RNF220: variants seen among roughly 807,000 people sequenced by gnomAD.
RNF220 encodes E3 ubiquitin-protein ligase RNF220.
RNF220 carries 7 observed loss-of-function variants against 67.1 expected under a neutral mutation model. The ratio of observed to expected loss-of-function variants is 0.10; its 90% CI spans 0.06 to 0.20. The LOEUF (loss-of-function observed/expected upper bound fraction) is 0.20, where lower values mean the gene tolerates loss of function less well. RNF220 is among the 10% of genes least tolerant of loss of function. The probability of loss-of-function intolerance (pLI) is 1.00; values close to 1 mark genes in which losing one functional copy is unlikely to be tolerated. For synonymous variants in RNF220, 270 were observed against 283.2 expected, an observed-to-expected ratio of 0.95 and a Z score of 0.47; for missense variants, 565 against 740.3, an observed-to-expected ratio of 0.76 and a Z score of 2.75.
chr1:44,517,139 C>T (rs1572742118), intron 2 of RNF220, among the ~76,000 whole-genome samples: 1 of 152,316 alleles, frequency 6.6e-6, no homozygotes, highest in East Asian at 1.9e-4. Flanking sequence ...CAGCATCTGT[C>T]CTCTGTCACT....
Position 44,650,213 on chromosome 1 carries a change from A to G in RNF220, c.1629+256A>G. 1.8e-6 allele frequency: 1 copy of G among 570,038 alleles called. No homozygotes were observed. Among genetic ancestry groups the G allele is most frequent in the Non-Finnish European group, 3.1e-6 (1 of 319,374 alleles). The allele number at this position is 570,038 out of a possible 1,614,324, so 35.3% of individuals were successfully genotyped here. Reference sequence around the variant, plus strand: ...TCCCCGCCCCGGTCCCCGAAGGCCCACTGCATCACACAGACTGGTGAGGCC... The same window carrying G: ...TCCCCGCCCCGGTCCCCGAAGGCCCGCTGCATCACACAGACTGGTGAGGCC... On this transcript the variant is annotated intron_variant, in intron 14 of 14. Transcript: ENST00000361799. The surrounding 1 kb of genome is among the most constrained non-coding windows in gnomAD (Gnocchi z 4.3).
intron 2 of RNF220, among the ~76,000 whole-genome samples, chr1:44,453,819 G>A (rs1413190414): frequency 6.6e-6 from 1 of 151,998 alleles, no homozygotes; most frequent in African/African-American, 2.4e-5. Context: ...TTTGGTCTTA[G>A]GACCCATTTG....
chr1:44,493,265 C>A lies in RNF220; in HGVS notation c.625+80543C>A, dbSNP rs1157729655. Among the ~76,000 whole-genome samples, 3 of 152,318 alleles carry A rather than the reference C, an allele frequency of 2.0e-5. No individual in the cohort carries two copies. In the South Asian group the frequency reaches 6.2e-4, roughly 32 times the overall value. On this transcript the variant is annotated intron_variant, in intron 2 of 14. Transcript: ENST00000361799. ...GAGCAGTGGCTTACGCCTGTAATCC[C>A]AGCACTTTGGGAGGCCGAGGCGGGT...
chr1:44,543,460 G>A (rs965658716), intron 2 of RNF220, among the ~76,000 whole-genome samples: 2 of 152,078 alleles, frequency 1.3e-5, no homozygotes, highest in African/African-American at 2.4e-5. Context: ...GCTTACCGAC[G>A]GGAGGTTAAC....
In RNF220 at chr1:44,540,986, G is replaced by A. The variant is rs553910115; in HGVS notation, c.626-73179G>A. On this transcript the variant is annotated intron_variant, in intron 2 of 14. Transcript: ENST00000361799. ...GACAGTAATTAACATTTGTTACGGT[G>A]TTTGCAATCTGCCAGGCATTATTCT... 4.6e-5 allele frequency among the ~76,000 whole-genome samples: 7 copies of A among 152,210 alleles called. No homozygotes were observed. In the East Asian group the frequency reaches 1.3e-3, roughly 29 times the overall value.
intron 2 of RNF220, among the ~76,000 whole-genome samples, chr1:44,494,359 AAG>A (rs1657138158): frequency 6.6e-6 from 1 of 152,212 alleles, no homozygotes; most frequent in African/African-American, 2.4e-5. Flanking sequence ...AAGCGAGAAA[AAG>A]AAATTAATTC....
At chr1:44,468,873 C>T (rs1349033692) in intron 2 of RNF220, among the ~76,000 whole-genome samples, 1 of 151,884 alleles carries the variant, frequency 6.6e-6, no homozygotes, top group African/African-American at 2.4e-5. Context: ...GCCAAGATCA[C>T]ACCACTGCAC....
At chr1:44,531,993 C>T (rs1288891841) in intron 2 of RNF220, among the ~76,000 whole-genome samples, 1 of 152,144 alleles carries the variant, frequency 6.6e-6, no homozygotes, top group African/African-American at 2.4e-5. Flanking sequence ...TTCTAAGGTG[C>T]TGAGTCTCAC....
chr1:44,607,472 C>G (rs1184315339), intron 2 of RNF220, among the ~76,000 whole-genome samples: 1 of 146,696 alleles, frequency 6.8e-6, no homozygotes, highest in Non-Finnish European at 1.5e-5. Context: ...TGTATACCTT[C>G]AAATGTGCTG....
intron 2 of RNF220, among the ~76,000 whole-genome samples, chr1:44,556,059 G>T (rs1270004845): frequency 1.3e-5 from 2 of 150,240 alleles, no homozygotes; most frequent in Non-Finnish European, 2.9e-5. Flanking sequence ...GTTTGAGATG[G>T]AGTCTCTCTG....
At chr1:44,539,597 A>G (rs1229913644) in intron 2 of RNF220, among the ~76,000 whole-genome samples, 1 of 152,216 alleles carries the variant, frequency 6.6e-6, no homozygotes, top group African/African-American at 2.4e-5. Flanking sequence ...ACAGGAGCCA[A>G]CAGGAACTAG....
At chr1:44,607,316 A>T (rs1667334309) in intron 2 of RNF220, among the ~76,000 whole-genome samples, 1 of 151,876 alleles carries the variant, frequency 6.6e-6, no homozygotes, top group Admixed American at 6.6e-5. Context: ...TTGTATGTTT[A>T]AAAAAAATAA....
chr1:44,545,757 ATTT>A (rs11372709), intron 2 of RNF220, among the ~76,000 whole-genome samples: 3 of 140,706 alleles, frequency 2.1e-5, no homozygotes, highest in African/African-American at 2.7e-5. Flanking sequence ...CAGAAACCCA[ATTT>A]TTTTTTTTTT....
chr1:44,443,968 G>A (rs1651821987), intron 2 of RNF220, among the ~76,000 whole-genome samples: 1 of 152,216 alleles, frequency 6.6e-6, no homozygotes, highest in Admixed American at 6.5e-5. Flanking sequence ...GCGCATGCCT[G>A]TAATCCCAGC....
intron 2 of RNF220, among the ~76,000 whole-genome samples, chr1:44,484,865 C>T (rs189623532): frequency 3.3e-5 from 5 of 152,272 alleles, no homozygotes; most frequent in South Asian, 2.1e-4. Flanking sequence ...CTCTGACAGC[C>T]GGGCACGGTG....
Position 44,624,967 on chromosome 1 carries a change from T to C in RNF220, c.805-1330T>C, listed in dbSNP as rs1643895832. 6.6e-6 allele frequency among the ~76,000 whole-genome samples: 1 copy of C among 152,174 alleles called. No homozygotes were observed. The highest frequency in any genetic ancestry group is 2.4e-5 in the African/African-American group (1 of 41,448). On this transcript the variant is annotated intron_variant, in intron 4 of 14. Transcript: ENST00000361799. This position sits in a 1 kb window ranked among gnomAD's most constrained non-coding sequence, Gnocchi z 4.2. The stretch of plus-strand genomic sequence containing the variant: ...TTAAAAAGCACCAGTGACCTTTTTT[T>C]ATTCCGCTTGCCCCAGGTGTAATGC...
chr1:44,544,265 T>TC (rs764110393), intron 2 of RNF220, among the ~76,000 whole-genome samples: 3 of 152,208 alleles, frequency 2.0e-5, no homozygotes, highest in African/African-American at 7.2e-5. Flanking sequence ...AGGACTGCTC[T>TC]CCATCCCTGT....
chr1:44,632,634 T>G (rs925212616), intron 6 of RNF220: 2 of 583,100 alleles, frequency 3.4e-6, no homozygotes, highest in African/African-American at 3.7e-5. Context: ...GGGGGGGCAA[T>G]AAGTGCCGGA....
At chr1:44,535,965 A>G (rs1661190338) in intron 2 of RNF220, among the ~76,000 whole-genome samples, 1 of 152,196 alleles carries the variant, frequency 6.6e-6, no homozygotes, top group Non-Finnish European at 1.5e-5. Flanking sequence ...GAGCGGTGAG[A>G]AAGGATGAAG....
Sources: gnomAD v4.1 joint callset for allele counts (sites outside exome capture counted in the v4.1 genomes callset) on GRCh38, gnomAD v4.1.1 for gene constraint, Gnocchi (gnomAD v3.1) non-coding constraint, MANE v1.5 for transcripts, NCBI Gene and HGNC (gene_info 2026-07-23, HGNC 2026-07-21) for gene names.